STK32C: variants seen among roughly 807,000 people sequenced by gnomAD.
The protein encoded by STK32C is serine/threonine-protein kinase 32C.
STK32C carries 31 observed loss-of-function variants against 56.5 expected under a neutral mutation model. The observed-to-expected ratio is 0.55, with a 90% CI of 0.41 to 0.74. STK32C has a LOEUF of 0.74. Among genes scored for constraint, STK32C ranks in the 30% least tolerant of loss-of-function variants. The pLI is 0.00. For missense variants in STK32C, 544 were observed against 676.9 expected, an observed-to-expected ratio of 0.80 and a Z score of 2.18; for synonymous variants, 309 against 289.4, an observed-to-expected ratio of 1.07 and a Z score of -0.69.
At chr10:132,314,131 G>A (rs1359287574) in intron 1 of STK32C, among the ~76,000 whole-genome samples, 1 of 152,190 alleles carries the variant, frequency 6.6e-6, no homozygotes, top group African/African-American at 2.4e-5. Context: ...GCCCTTCTCT[G>A]CCCCTCTGCC....
At position 132,307,464 on chromosome 10, in the gene STK32C, G is replaced by A; in HGVS notation, c.262+108C>T. The A allele has an allele frequency of 7.9e-7, 1 of 1,267,074 alleles. No individual in the cohort carries two copies. Among genetic ancestry groups the A allele is most frequent in the Non-Finnish European group, 1.0e-6 (1 of 975,024 alleles). The allele number at this position is 1,267,074 out of a possible 1,614,324, so 78.5% of individuals were successfully genotyped here. On this transcript the variant is annotated intron_variant, in intron 1 of 11. Coordinates refer to ENST00000298630, the MANE Select transcript of STK32C (RefSeq NM_173575.4). This position sits in a 1 kb window ranked among gnomAD's most constrained non-coding sequence, Gnocchi z 4.4. ...CTTCTCCGGAAGCCGGGGCGCCCCG[G>A]GAAGCCGTCCCGGACACCGGGGGAA...
At chr10:132,331,855 C>G (rs779258325), upstream of STK32C, 1 of 1,409,808 alleles carries the variant, frequency 7.1e-7, no homozygotes, top group Non-Finnish European at 9.6e-7. Context: ...CGGATGCTAC[C>G]GTTGGCCGCG....
In STK32C at chr10:132,288,350, TAC is replaced by T. The variant is rs2065472299; in HGVS notation, c.262+19220_262+19221del. On this transcript the variant is annotated intron_variant, in intron 1 of 11. Transcript: ENST00000298630. ...ACCATAAAGGAAGAAATTGATGATATACTGAACTTCATCAACATTTAAAACTT... is the reference window on the plus strand; with the variant it reads ...ACCATAAAGGAAGAAATTGATGATATTGAACTTCATCAACATTTAAAACTT... 2.0e-5 allele frequency among the ~76,000 whole-genome samples: 3 copies of T among 152,238 alleles called. No homozygotes were observed. In the South Asian group the frequency reaches 6.2e-4, roughly 32 times the overall value.
At chr10:132,239,642 G>T (rs1231666190) in intron 2 of STK32C, among the ~76,000 whole-genome samples, 7 of 152,322 alleles carry the variant, frequency 4.6e-5, no homozygotes, top group Middle Eastern at 3.4e-3. Context: ...AGAAACCCAG[G>T]CCCAGCCGCC....
intron 1 of STK32C, among the ~76,000 whole-genome samples, chr10:132,270,567 C>T (rs1342364133): frequency 6.6e-6 from 1 of 152,234 alleles, no homozygotes; most frequent in African/African-American, 2.4e-5. Context: ...GTTACGGCAA[C>T]CCCAGGACCC....
intron 1 of STK32C, among the ~76,000 whole-genome samples, chr10:132,295,721 TA>T (rs1413468736): frequency 6.6e-6 from 1 of 152,040 alleles, no homozygotes; most frequent in Non-Finnish European, 1.5e-5. Context: ...CTGTCTCGAC[TA>T]AAAATACAAA....
chr10:132,264,630 T>C (rs2064434094), intron 1 of STK32C, among the ~76,000 whole-genome samples: 1 of 152,064 alleles, frequency 6.6e-6, no homozygotes, highest in Admixed American at 6.5e-5. Flanking sequence ...TCCTGAGGGG[T>C]TTGAGCTGAT....
chr10:132,299,632 C>T lies in STK32C; in HGVS notation c.262+7940G>A, dbSNP rs564766238. The stretch of plus-strand genomic sequence containing the variant: ...ACGGTGGACATTCTGGTCCCACAGA[C>T]GTCATGCAGAGCAGAGACACCCGTC... On this transcript the variant is annotated intron_variant, in intron 1 of 11. Coordinates refer to ENST00000298630, the MANE Select transcript of STK32C (RefSeq NM_173575.4). Among the ~76,000 whole-genome samples, 7 of 152,362 alleles carry T rather than the reference C, an allele frequency of 4.6e-5. No homozygotes were observed. In the South Asian group the frequency reaches 6.2e-4, roughly 14 times the overall value.
intron 2 of STK32C, among the ~76,000 whole-genome samples, chr10:132,238,217 C>A (rs1051909417): frequency 3.3e-5 from 5 of 152,322 alleles, no homozygotes; most frequent in Admixed American, 2.6e-4. Context: ...CTCTCGGAGG[C>A]CCCCACGGGA....
intron 1 of STK32C, among the ~76,000 whole-genome samples, chr10:132,273,323 G>C (rs968509913): frequency 6.6e-6 from 1 of 152,120 alleles, no homozygotes; most frequent in Non-Finnish European, 1.5e-5. Flanking sequence ...AGTCCCTGCA[G>C]CTCTAGGGTG....
Position 132,227,421 on chromosome 10 carries a change from A to ATGG in STK32C, c.471-456_471-454dup, listed in dbSNP as rs556636197. 2.1e-3 allele frequency among the ~76,000 whole-genome samples: 318 copies of ATGG among 152,286 alleles called. 5 individuals are homozygous for ATGG. Among genetic ancestry groups the ATGG allele is most frequent in the Non-Finnish European group, 2.7e-3 (185 of 68,028 alleles). On this transcript the variant is annotated intron_variant, in intron 3 of 11. Coordinates refer to ENST00000298630, the MANE Select transcript of STK32C (RefSeq NM_173575.4). ...ATCCATGGTGTTGACGATGGCAGTG[A>ATGG]TGGTGGTGGTGGTGACGGTGATGGT...
chr10:132,227,122 T>C (rs576364848), intron 3 of STK32C, among the ~76,000 whole-genome samples, 154 bp from the exon 4 acceptor site: 98 of 152,290 alleles, frequency 6.4e-4, no homozygotes, highest in Admixed American at 2.2e-3. Flanking sequence ...AAGGCACTGA[T>C]TGCACCCCAG....
chr10:132,283,438 G>A (rs559600204), intron 1 of STK32C, among the ~76,000 whole-genome samples: 16 of 152,356 alleles, frequency 1.1e-4, no homozygotes, highest in African/African-American at 3.6e-4. Context: ...ACCAGCGGAG[G>A]CAGAGTCCTG....
intron 2 of STK32C, among the ~76,000 whole-genome samples, chr10:132,235,814 C>A (rs2063267681): frequency 6.6e-6 from 1 of 152,148 alleles, no homozygotes; most frequent in Non-Finnish European, 1.5e-5. Context: ...AGAACACAAG[C>A]CTGGCGCAGT....
At chr10:132,328,968 A>G (rs2066567984) in intron 1 of STK32C, among the ~76,000 whole-genome samples, 1 of 152,246 alleles carries the variant, frequency 6.6e-6, no homozygotes, top group Non-Finnish European at 1.5e-5. Flanking sequence ...TCAGGGAAAC[A>G]GAACATAAGC....
chr10:132,298,744 G>T (rs1179626231), intron 1 of STK32C, among the ~76,000 whole-genome samples: 1 of 152,062 alleles, frequency 6.6e-6, no homozygotes, highest in Admixed American at 6.6e-5. Context: ...AGTGTGTGGG[G>T]AAGCTCCCTT....
intron 2 of STK32C, among the ~76,000 whole-genome samples, chr10:132,235,389 G>A (rs4880353): frequency 0.71 from 107,535 of 150,428 alleles, 38,745 homozygotes; most frequent in Admixed American, 0.78. Flanking sequence ...CCAGCTTCTC[G>A]GGAGGCTGAG....
intron 1 of STK32C, among the ~76,000 whole-genome samples, chr10:132,265,290 GA>G (rs2064478804): frequency 6.6e-6 from 1 of 152,200 alleles, no homozygotes; most frequent in Non-Finnish European, 1.5e-5. Context: ...CCACCCGGGG[GA>G]CACTCTGCTG....
intron 1 of STK32C, among the ~76,000 whole-genome samples, chr10:132,278,344 G>A (rs992343889): frequency 1.1e-4 from 17 of 152,314 alleles, no homozygotes; most frequent in African/African-American, 3.8e-4. Context: ...AGCAAGAGAG[G>A]CCTCTCCAAG....
Sources: allele counts gnomAD v4.1 joint callset (sites outside exome capture counted in the v4.1 genomes callset), GRCh38; gene constraint gnomAD v4.1.1; non-coding constraint Gnocchi (gnomAD v3.1); transcripts MANE v1.5; gene names NCBI Gene and HGNC (gene_info 2026-07-23, HGNC 2026-07-21).